PCSK5: variants seen among roughly 807,000 people sequenced by gnomAD.
PCSK5 encodes proprotein convertase subtilisin/kexin type 5.
A neutral mutation model predicts 233.2 loss-of-function variants in PCSK5; 129 were observed. The observed-to-expected ratio is 0.55, with a 90% confidence interval of 0.48 to 0.64. The LOEUF (loss-of-function observed/expected upper bound fraction) is 0.64, where lower values mean the gene tolerates loss of function less well. Among genes scored for constraint, PCSK5 ranks in the 30% least tolerant of loss-of-function variants. PCSK5 has a pLI of 0.00. For missense variants in PCSK5, 2,076 were observed against 2,430.1 expected, an observed-to-expected ratio of 0.85 and a Z score of 3.06; for synonymous variants, 825 against 879.2, an observed-to-expected ratio of 0.94 and a Z score of 1.09.
intron 1 of PCSK5, among the ~76,000 whole-genome samples, chr9:75,928,299 GTTCC>G (rs1353293244): frequency 6.6e-6 from 1 of 151,690 alleles, no homozygotes; most frequent in Non-Finnish European, 1.5e-5. Context: ...GTTATATATT[GTTCC>G]TTGTTTCAGT....
chr9:76,151,316 G>T (rs963253074), intron 10 of PCSK5, among the ~76,000 whole-genome samples: 9 of 152,176 alleles, frequency 5.9e-5, no homozygotes, highest in African/African-American at 2.2e-4. Flanking sequence ...CTCAAGAAGG[G>T]AATTTGGGTA....
intron 24 of PCSK5, among the ~76,000 whole-genome samples, chr9:76,242,846 C>T (rs1351056912): frequency 6.6e-6 from 1 of 152,198 alleles, no homozygotes; most frequent in Non-Finnish European, 1.5e-5. Flanking sequence ...GCTCTCTTGG[C>T]TCTGCTCAGT....
chr9:76,308,243 A>T (rs1438282758), intron 28 of PCSK5, among the ~76,000 whole-genome samples: 1 of 152,228 alleles, frequency 6.6e-6, no homozygotes, highest in Non-Finnish European at 1.5e-5. Flanking sequence ...CAATCTTGGC[A>T]ATAGAAGTGA....
chr9:75,999,616 C>T (rs1257984335), intron 3 of PCSK5, among the ~76,000 whole-genome samples: 1 of 152,252 alleles, frequency 6.6e-6, no homozygotes, highest in Non-Finnish European at 1.5e-5. Flanking sequence ...TGCCTTTAAG[C>T]GGTTTTCCGC....
chr9:76,139,714 C>T (rs1823129445), intron 10 of PCSK5, among the ~76,000 whole-genome samples: 1 of 151,974 alleles, frequency 6.6e-6, no homozygotes, highest in Admixed American at 6.6e-5. Context: ...TGACTGAAAC[C>T]CTTTCATTTT....
intron 30 of PCSK5, among the ~76,000 whole-genome samples, chr9:76,320,169 C>T (rs1051920749): frequency 2.6e-5 from 4 of 152,032 alleles, no homozygotes; most frequent in Non-Finnish European, 4.4e-5. Flanking sequence ...TACAATCTCT[C>T]GTCTCCACAC....
At chr9:76,329,236 A>C (rs1448282405) in intron 33 of PCSK5, among the ~76,000 whole-genome samples, 2 of 152,074 alleles carry the variant, frequency 1.3e-5, no homozygotes, top group East Asian at 3.9e-4. Context: ...CCTGGGCTCA[A>C]GAGATCCTCC....
At chr9:76,296,353 C>G (rs1329715468) in intron 26 of PCSK5, among the ~76,000 whole-genome samples, 1 of 152,172 alleles carries the variant, frequency 6.6e-6, no homozygotes, top group African/African-American at 2.4e-5. Context: ...GACACAGTGG[C>G]CTGGCCAACA....
intron 17 of PCSK5, among the ~76,000 whole-genome samples, chr9:76,188,161 T>TAATC (rs1229987258): frequency 2.6e-5 from 4 of 152,216 alleles, no homozygotes; most frequent in Admixed American, 1.3e-4. Context: ...ACTGCATTTA[T>TAATC]AATCATGAAA....
intron 37 of PCSK5, among the ~76,000 whole-genome samples, chr9:76,358,260 C>T (rs974247109): frequency 1.3e-5 from 2 of 152,116 alleles, no homozygotes; most frequent in Admixed American, 6.5e-5. Context: ...AATCCCAGCA[C>T]TCTGGGAGAC....
At chr9:75,966,196 G>T (rs1825578771) in intron 2 of PCSK5, among the ~76,000 whole-genome samples, 1 of 152,046 alleles carries the variant, frequency 6.6e-6, no homozygotes, top group Non-Finnish European at 1.5e-5. Flanking sequence ...GGCTAGAAAG[G>T]GTACTCAATA....
intron 24 of PCSK5, among the ~76,000 whole-genome samples, chr9:76,243,068 G>A (rs1335177217): frequency 6.6e-6 from 1 of 152,202 alleles, no homozygotes; most frequent in Non-Finnish European, 1.5e-5. Context: ...AGCTGACCCA[G>A]CTAAAGATGA....
chr9:76,235,769 G>A (rs1448291664), intron 22 of PCSK5, among the ~76,000 whole-genome samples: 2 of 152,224 alleles, frequency 1.3e-5, no homozygotes, highest in Admixed American at 1.3e-4. Context: ...GAGGTGGGGT[G>A]TTGTTTACCA....
intron 5 of PCSK5, among the ~76,000 whole-genome samples, chr9:76,051,558 T>G (rs142301144): frequency 6.6e-6 from 1 of 152,058 alleles, no homozygotes; most frequent in Admixed American, 6.6e-5. Flanking sequence ...TATTTTCTGA[T>G]ATCATAGGTA....
chr9:76,099,714 G>T (rs933628679), intron 8 of PCSK5, among the ~76,000 whole-genome samples: 5 of 152,072 alleles, frequency 3.3e-5, no homozygotes, highest in Non-Finnish European at 5.9e-5. Flanking sequence ...CCTTCACCAG[G>T]CTTTGAACCC....
intron 20 of PCSK5, among the ~76,000 whole-genome samples, chr9:76,191,215 A>ACAAG (rs989459387): frequency 8.6e-5 from 13 of 152,040 alleles, no homozygotes; most frequent in Admixed American, 2.6e-4. Flanking sequence ...TAGAAAACAA[A>ACAAG]CAAAAAATAT....
Position 75,986,262 on chromosome 9 carries a change from A to G in PCSK5, c.411+17A>G, listed in dbSNP as rs748488323. On this transcript the variant is annotated intron_variant, in intron 3 of 37. Transcript: ENST00000674117. ...TGGTATATGGTAAGCTTGCTAAGGA[A>G]GCCTGGCCTAGGGCCATGTCATCCG... 1 of 1,430,920 alleles carries G rather than the reference A, an allele frequency of 7.0e-7. No individual in the cohort carries two copies. Among genetic ancestry groups the G allele is most frequent in the South Asian group, 1.1e-5 (1 of 87,440 alleles). 88.6% of individuals were successfully genotyped at this position (1,430,920 alleles called of 1,614,324 possible). A position where few individuals can be genotyped will look rare whatever the true frequency, so the allele number is the denominator to read the frequency against.
At position 76,231,710 on chromosome 9, in the gene PCSK5, A is replaced by T. The variant is rs539254454; in HGVS notation, c.2730-1750A>T. ...ACTGGTGCCAGGGTGGGGCTGGGAT[A>T]TTCCCCTTTGGCATTAGTGCCATCC... is the stretch of plus-strand genomic sequence containing the variant. On this transcript the variant is annotated intron_variant, in intron 21 of 37. Transcript: ENST00000674117. Among the ~76,000 whole-genome samples the T allele has an allele frequency of 5.3e-5, 8 of 152,292 alleles. No individual in the cohort carries two copies. The East Asian group carries it at 1.5e-3, about 29-fold the overall frequency.
At chr9:75,991,400 A>T (rs1416955564) in intron 3 of PCSK5, among the ~76,000 whole-genome samples, 1 of 152,180 alleles carries the variant, frequency 6.6e-6, no homozygotes, top group African/African-American at 2.4e-5. Flanking sequence ...TAATTAACCA[A>T]GGTTATGTGA....
Sources: allele counts gnomAD v4.1 joint callset (sites outside exome capture counted in the v4.1 genomes callset), GRCh38; gene constraint gnomAD v4.1.1; transcripts MANE v1.5; gene names NCBI Gene and HGNC (gene_info 2026-07-23, HGNC 2026-07-21).